Variants in PPFIA2 observed in about 807,000 individuals in gnomAD.
The protein encoded by PPFIA2 is PPFI scaffold protein A2.
A neutral mutation model predicts 175.5 loss-of-function variants in PPFIA2; 46 were observed. The observed-to-expected ratio is 0.26, with a 90% confidence interval of 0.21 to 0.34. The LOEUF (loss-of-function observed/expected upper bound fraction) is 0.34, where lower values mean the gene tolerates loss of function less well. PPFIA2 is among the 10% of genes least tolerant of loss of function. The pLI is 1.00. For synonymous variants in PPFIA2, 568 were observed against 511.4 expected (o/e 1.11, Z -1.49); for missense variants, 1,179 against 1,506.1 (o/e 0.78, Z 3.60).
At chr12:81,738,623 A>G (rs2081938640) in intron 3 of PPFIA2, among the ~76,000 whole-genome samples, 1 of 151,848 alleles carries the variant, frequency 6.6e-6, no homozygotes, top group Non-Finnish European at 1.5e-5. Flanking sequence ...TAAAACTTCT[A>G]GATAACAGAG....
intron 7 of PPFIA2, among the ~76,000 whole-genome samples, chr12:81,429,328 TTTAAC>T (rs1324966741): frequency 1.3e-5 from 2 of 152,062 alleles, no homozygotes; most frequent in African/African-American, 4.8e-5. Context: ...TCTGAAATAA[TTTAAC>T]TTAAGAGATT....
intron 4 of PPFIA2, among the ~76,000 whole-genome samples, chr12:81,628,387 T>C (rs1303280948): frequency 2.0e-5 from 3 of 148,032 alleles, no homozygotes; most frequent in East Asian, 3.9e-4. Flanking sequence ...TTTTTTTTTT[T>C]TTTTTTTTTT....
At chr12:81,733,142 G>C (rs943865864) in intron 3 of PPFIA2, among the ~76,000 whole-genome samples, 2 of 151,482 alleles carry the variant, frequency 1.3e-5, no homozygotes, top group Non-Finnish European at 3.0e-5. Context: ...TTAAGTTTAT[G>C]ATGGTAAAGT....
At chr12:81,654,420 C>T (rs938396392) in intron 4 of PPFIA2, among the ~76,000 whole-genome samples, 3 of 151,910 alleles carry the variant, frequency 2.0e-5, no homozygotes, top group South Asian at 2.1e-4. Context: ...TTACTATCAA[C>T]GATGTATGGA....
chr12:81,467,495 C>G (rs1164416822), intron 4 of PPFIA2, among the ~76,000 whole-genome samples: 6 of 152,106 alleles, frequency 3.9e-5, no homozygotes, highest in Admixed American at 1.3e-4. Context: ...TCGAGAACAG[C>G]CTGGGCAACA....
At chr12:81,375,271 A>C (rs1233216015) in intron 10 of PPFIA2, among the ~76,000 whole-genome samples, 1 of 152,170 alleles carries the variant, frequency 6.6e-6, no homozygotes, top group Admixed American at 6.6e-5. Context: ...AGTCATAGAC[A>C]ATGATTAAAT....
At chr12:81,595,978 C>T (rs1051799899) in intron 4 of PPFIA2, among the ~76,000 whole-genome samples, 1 of 152,106 alleles carries the variant, frequency 6.6e-6, no homozygotes, top group South Asian at 2.1e-4. Flanking sequence ...AGTACATTTG[C>T]ACCATTTCAT....
intron 17 of PPFIA2, among the ~76,000 whole-genome samples, chr12:81,349,527 A>AACACACAT (rs999333064): frequency 6.6e-6 from 1 of 152,192 alleles, no homozygotes; most frequent in African/African-American, 2.4e-5. Flanking sequence ...AACATAGCTT[A>AACACACAT]ACACACATTT....
At chr12:81,319,542 T>C (rs919684810) in intron 22 of PPFIA2, among the ~76,000 whole-genome samples, 1 of 151,818 alleles carries the variant, frequency 6.6e-6, no homozygotes, top group African/African-American at 2.4e-5. Flanking sequence ...TAAAATGTTG[T>C]ATATTATTAT....
chr12:81,678,423 A>G (rs1567832089), intron 3 of PPFIA2, among the ~76,000 whole-genome samples: 1 of 151,862 alleles, frequency 6.6e-6, no homozygotes, highest in East Asian at 1.9e-4. Flanking sequence ...GGAAGGGGAC[A>G]GGGAAGGATG....
intron 3 of PPFIA2, among the ~76,000 whole-genome samples, chr12:81,722,005 G>T (rs758925344): frequency 1.3e-5 from 2 of 150,882 alleles, no homozygotes; most frequent in African/African-American, 4.9e-5. Context: ...TGCAGTGGTG[G>T]TGTAGGACAT....
chr12:81,567,166 G>A (rs1303534044), intron 4 of PPFIA2, among the ~76,000 whole-genome samples: 1 of 152,090 alleles, frequency 6.6e-6, no homozygotes, highest in Non-Finnish European at 1.5e-5. Context: ...TCCTGCCTCG[G>A]CCTCCCGAGT....
chr12:81,317,432 A>G (rs1263037100), intron 22 of PPFIA2, among the ~76,000 whole-genome samples: 1 of 151,608 alleles, frequency 6.6e-6, no homozygotes, highest in Non-Finnish European at 1.5e-5. Context: ...GGATTATAGG[A>G]AGGCAAGACT....
intron 30 of PPFIA2, among the ~76,000 whole-genome samples, chr12:81,263,804 C>T (rs1294153790): frequency 6.6e-6 from 1 of 152,164 alleles, no homozygotes; most frequent in African/African-American, 2.4e-5. Flanking sequence ...AATGAAATGA[C>T]TTCTATGTAC....
At chr12:81,581,138 G>A (rs965748990) in intron 4 of PPFIA2, among the ~76,000 whole-genome samples, 1 of 138,178 alleles carries the variant, frequency 7.2e-6, no homozygotes, top group African/African-American at 2.7e-5. Context: ...CTGTACAGAT[G>A]TCATAGACAC....
intron 5 of PPFIA2, among the ~76,000 whole-genome samples, chr12:81,446,241 A>G (rs527485568): frequency 6.6e-6 from 1 of 152,360 alleles, no homozygotes; most frequent in East Asian, 1.9e-4. Flanking sequence ...ATATGCAACC[A>G]ATTAGAACAT....
intron 4 of PPFIA2, among the ~76,000 whole-genome samples, chr12:81,624,339 C>T (rs2062421631): frequency 6.7e-6 from 1 of 150,312 alleles, no homozygotes; most frequent in Non-Finnish European, 1.5e-5. Flanking sequence ...ATCCTATAAT[C>T]TGTATGTTAC....
chr12:81,456,422 A>T (rs1380225002), intron 5 of PPFIA2, among the ~76,000 whole-genome samples: 2 of 152,182 alleles, frequency 1.3e-5, no homozygotes, highest in African/African-American at 4.8e-5. Context: ...AGACCTTGAT[A>T]AATAAGGACA....
At chr12:81,664,487 A>T (rs2069681723) in intron 4 of PPFIA2, among the ~76,000 whole-genome samples, 1 of 152,138 alleles carries the variant, frequency 6.6e-6, no homozygotes, top group Admixed American at 6.5e-5. Context: ...CCACAATAAG[A>T]TACCATCTCA....
Sources: gnomAD v4.1 joint callset for allele counts (sites outside exome capture counted in the v4.1 genomes callset) on GRCh38, gnomAD v4.1.1 for gene constraint, MANE v1.5 for transcripts, NCBI Gene and HGNC (gene_info 2026-07-23, HGNC 2026-07-21) for gene names.